Variants in FOXP1 observed in about 807,000 individuals in gnomAD.
FOXP1 encodes the protein forkhead box protein P1.
A neutral mutation model predicts 98.2 loss-of-function variants in FOXP1; 15 were observed. The ratio of observed to expected loss-of-function variants is 0.15; its 90% confidence interval spans 0.10 to 0.24. The LOEUF is 0.24. Ranked by LOEUF, FOXP1 falls within the 10% of genes least tolerant of loss-of-function variation. The pLI, the probability that FOXP1 is intolerant of heterozygous loss-of-function variation, is 1.00. For missense variants in FOXP1, 633 were observed against 848.5 expected (o/e 0.75, Z 3.15); for synonymous variants, 371 against 314.5 (o/e 1.18, Z -1.90).
Position 71,438,147 on chromosome 3 carries a change from C to T in FOXP1, c.-168+55279G>A, listed in dbSNP as rs148145256. Among the ~76,000 whole-genome samples the T allele has an allele frequency of 8.1e-3, 1,226 of 152,276 alleles. 17 individuals are homozygous for T. Among genetic ancestry groups the T allele is most frequent in the African/African-American group, 0.028 (1,146 of 41,552 alleles). On this transcript the variant is annotated intron_variant, in intron 3 of 20. Transcript: ENST00000649528. ...TGTAGGCATCTAACATGTTCAGTTA[C>T]GCACAGGAATTACAGGAATGGAATA...
At chr3:71,314,721 G>A (rs1228572267) in intron 4 of FOXP1, among the ~76,000 whole-genome samples, 1 of 151,994 alleles carries the variant, frequency 6.6e-6, no homozygotes, top group African/African-American at 2.4e-5. Flanking sequence ...CCTCAGTGGA[G>A]GCAAGTCATT....
At chr3:70,996,120 G>T (rs1197976565) in intron 13 of FOXP1, among the ~76,000 whole-genome samples, 1 of 152,134 alleles carries the variant, frequency 6.6e-6, no homozygotes, top group Non-Finnish European at 1.5e-5. Flanking sequence ...CTGTGTAGCT[G>T]GGATTACAGG....
At position 71,496,961 on chromosome 3, in the gene FOXP1, A is replaced by AGTGTGTGTGTGTGTGTGTGT. The variant is rs148821144; in HGVS notation, c.-297-3426_-297-3407dup. ...GTGAATCACCACTGTGGTGTGTGGA[A>AGTGTGTGTGTGTGTGTGTGT]GTGTGTGTGTGTGTGTGTGTGTGTT... On this transcript the variant is annotated intron_variant, in intron 2 of 20. Transcript: ENST00000649528. 7.0e-3 allele frequency among the ~76,000 whole-genome samples: 1,052 copies of AGTGTGTGTGTGTGTGTGTGT among 149,436 alleles called. 10 individuals are homozygous for AGTGTGTGTGTGTGTGTGTGT. The highest frequency in any genetic ancestry group is 0.016 in the African/African-American group (631 of 40,628).
In FOXP1 at chr3:71,417,193, C is replaced by T. The variant is rs544690437; in HGVS notation, c.-167-57949G>A. ...GTGCTGAAGTCAAATGGTACAGACT[C>T]GCGACATCCTCCAGGCTGAGCCCAG... On this transcript the variant is annotated intron_variant, in intron 3 of 20. Coordinates refer to ENST00000649528, the MANE Select transcript of FOXP1 (RefSeq NM_001349338.3). Among the ~76,000 whole-genome samples, 12 of 152,266 alleles carry T rather than the reference C, an allele frequency of 7.9e-5. No individual in the cohort carries two copies. In the South Asian group the frequency reaches 1.2e-3, roughly 16 times the overall value.
At chr3:71,018,312 T>C (rs1199943921) in intron 11 of FOXP1, among the ~76,000 whole-genome samples, 1 of 152,218 alleles carries the variant, frequency 6.6e-6, no homozygotes, top group African/African-American at 2.4e-5. Context: ...CAATCAGTTA[T>C]ACCTGAAGTC....
chr3:71,174,820 A>AC (rs2061841619), intron 6 of FOXP1, among the ~76,000 whole-genome samples: 1 of 148,654 alleles, frequency 6.7e-6, no homozygotes, highest in Admixed American at 6.6e-5. Context: ...ACACACACAC[A>AC]CACACACCCC....
chr3:71,561,977 G>A (rs2046576163), intron 2 of FOXP1, among the ~76,000 whole-genome samples: 1 of 152,078 alleles, frequency 6.6e-6, no homozygotes, highest in African/African-American at 2.4e-5. Flanking sequence ...GCTGATTCTA[G>A]ACCACTACAA....
chr3:71,433,846 C>A (rs1186867035), intron 3 of FOXP1, among the ~76,000 whole-genome samples: 1 of 152,212 alleles, frequency 6.6e-6, no homozygotes, highest in Non-Finnish European at 1.5e-5. Context: ...TCTACACTTA[C>A]CTGCATTGTC....
chr3:71,212,949 A>AATATAT (rs3033230), intron 5 of FOXP1, among the ~76,000 whole-genome samples: 2,130 of 147,792 alleles, frequency 0.014, 39 homozygotes, highest in African/African-American at 0.05. Context: ...ACAAAATGGG[A>AATATAT]ATATATATAT....
chr3:71,182,052 G>GA (rs765407626), intron 6 of FOXP1, among the ~76,000 whole-genome samples: 27 of 96,028 alleles, frequency 2.8e-4, no homozygotes, highest in South Asian at 1.7e-3. Flanking sequence ...AGAAAAAAAA[G>GA]AAAAAAAAAG....
rs2031860837 is a variant in FOXP1, at chr3:70,956,660, T to C, written c.*2587A>G. On this transcript the variant is annotated 3_prime_UTR_variant, in exon 21 of 21. Transcript: ENST00000649528. ...CCAAACTAACCAGCAACCACTCAGT[T>C]TAGAAGCACAGGGCCCCCTTCCCAT... 4.5e-6 allele frequency: 1 copy of C among 220,752 alleles called. No individual in the cohort carries two copies. The highest frequency in any genetic ancestry group is 9.0e-6 in the Non-Finnish European group (1 of 111,190). 13.7% of individuals were successfully genotyped at this position (220,752 alleles called of 1,614,324 possible). A position where few individuals can be genotyped will look rare whatever the true frequency, so the allele number is the denominator to read the frequency against.
chr3:71,543,585 A>T (rs1560634778), intron 2 of FOXP1: 1 of 152,312 alleles, frequency 6.6e-6, no homozygotes, highest in Non-Finnish European at 1.5e-5. Flanking sequence ...AGCAGCTCAG[A>T]TCCAAGGGTG....
At chr3:71,162,452 G>C (rs1012489557) in intron 6 of FOXP1, among the ~76,000 whole-genome samples, 1 of 152,200 alleles carries the variant, frequency 6.6e-6, no homozygotes, top group Non-Finnish European at 1.5e-5. Context: ...ACTGAAGGGG[G>C]AGCCAGTACC....
intron 13 of FOXP1, 26 bp from the exon 14 acceptor site, chr3:70,988,103 T>C: frequency 1.2e-6 from 2 of 1,607,102 alleles, no homozygotes; most frequent in Non-Finnish European, 1.7e-6. Context: ...TGCTTTGTTA[T>C]TTCTCTGAAT....
In FOXP1 at chr3:70,958,334, C is replaced by T; in HGVS notation, c.*913G>A. 1.9e-6 allele frequency: 1 copy of T among 529,624 alleles called. No homozygotes were observed. Among genetic ancestry groups the T allele is most frequent in the East Asian group, 3.9e-5 (1 of 25,390 alleles). The allele number at this position is 529,624 out of a possible 1,614,324, so 32.8% of individuals were successfully genotyped here. A position where few individuals can be genotyped will look rare whatever the true frequency, so the allele number is the denominator to read the frequency against. On this transcript the variant is annotated 3_prime_UTR_variant, in exon 21 of 21. Transcript: ENST00000649528. ...CTCTTTTTTTTTTCTGTCATTCATTCTCTTTCTGGCAGGACGTCACGTCTG... is the reference window on the plus strand; with the variant it reads ...CTCTTTTTTTTTTCTGTCATTCATTTTCTTTCTGGCAGGACGTCACGTCTG...
chr3:71,094,221 A>T (rs2107621726), intron 7 of FOXP1, among the ~76,000 whole-genome samples: 1 of 152,222 alleles, frequency 6.6e-6, no homozygotes, highest in African/African-American at 2.4e-5. Context: ...ATTCCAATAA[A>T]GCTATAGTTG....
chr3:71,361,867 T>C (rs899983709), intron 3 of FOXP1, among the ~76,000 whole-genome samples: 1 of 152,188 alleles, frequency 6.6e-6, no homozygotes, highest in Non-Finnish European at 1.5e-5. Flanking sequence ...TCATGAATAG[T>C]AAATTTGAAC....
chr3:71,546,026 A>G (rs1396235266), intron 2 of FOXP1, among the ~76,000 whole-genome samples: 1 of 152,206 alleles, frequency 6.6e-6, no homozygotes, highest in Non-Finnish European at 1.5e-5. Context: ...TTGCCTTTCA[A>G]AAGTGGAGAC....
chr3:71,011,294 C>T (rs955039936), intron 12 of FOXP1, among the ~76,000 whole-genome samples: 1 of 152,128 alleles, frequency 6.6e-6, no homozygotes, highest in African/African-American at 2.4e-5. Context: ...GTTCTGGAGG[C>T]AGCATGTAAT....
Sources: gnomAD v4.1 joint callset for allele counts (sites outside exome capture counted in the v4.1 genomes callset) on GRCh38, gnomAD v4.1.1 for gene constraint, MANE v1.5 for transcripts, NCBI Gene and HGNC (gene_info 2026-07-23, HGNC 2026-07-21) for gene names.